FRMD4A: variants seen among roughly 807,000 people sequenced by gnomAD.
FRMD4A encodes FERM domain-containing protein 4A.
Under a neutral mutation model 129.1 loss-of-function variants are expected in FRMD4A, and 29 were observed. The ratio of observed to expected loss-of-function variants is 0.22; its 90% CI spans 0.17 to 0.31. FRMD4A has a LOEUF of 0.31. FRMD4A is among the 10% of genes least tolerant of loss of function. The probability of loss-of-function intolerance (pLI) is 1.00; values close to 1 mark genes in which losing one functional copy is unlikely to be tolerated. For synonymous variants in FRMD4A, 634 were observed against 571.6 expected, an observed-to-expected ratio of 1.11 and a Z score of -1.56; for missense variants, 1,272 against 1,375.8, an observed-to-expected ratio of 0.92 and a Z score of 1.19.
At chr10:13,918,956 G>A (rs2095040162) in intron 2 of FRMD4A, among the ~76,000 whole-genome samples, 1 of 151,742 alleles carries the variant, frequency 6.6e-6, no homozygotes, top group Non-Finnish European at 1.5e-5. Flanking sequence ...TCTATCTGAT[G>A]TCTTCACAGC....
rs1204613419 is a variant in FRMD4A, at chr10:13,657,474, A to G, written c.2115T>C (p.Phe705=). Residue 705 remains phenylalanine, a synonymous_variant, in exon 22 of 25, where the codon TTT becomes TTC. Coordinates refer to ENST00000357447, the MANE Select transcript of FRMD4A (RefSeq NM_018027.5). ...ACTCCAGGCTGGAGCTCCGGTGCCT[A>G]AAGTGCAGTGCGAGGCTGTGCAGTC... ...PTRLHSLALH[F]RHRSSSLESQ... is the part of the protein sequence containing the mutation. The G allele has an allele frequency of 3.7e-6, 6 of 1,610,524 alleles. No homozygotes were observed. Among genetic ancestry groups the G allele is most frequent in the African/African-American group, 1.3e-5 (1 of 74,900 alleles).
chr10:14,270,071 C>T (rs1478514419), intron 2 of FRMD4A, among the ~76,000 whole-genome samples: 1 of 152,232 alleles, frequency 6.6e-6, no homozygotes, highest in East Asian at 1.9e-4. Context: ...GGCTTTGGGA[C>T]TTCAGGAAGA....
intron 2 of FRMD4A, among the ~76,000 whole-genome samples, chr10:13,871,839 G>A (rs1045753934): frequency 1.3e-5 from 2 of 152,228 alleles, no homozygotes; most frequent in Admixed American, 6.5e-5. Context: ...CCAGAGGTCT[G>A]AGCCACACAC....
chr10:13,902,864 C>G (rs1246111112), intron 2 of FRMD4A, among the ~76,000 whole-genome samples: 1 of 148,284 alleles, frequency 6.7e-6, no homozygotes, highest in African/African-American at 2.5e-5. Context: ...AAAACAACAA[C>G]AAACAACAGA....
chr10:14,110,125 T>TAAAAAAAAAA (rs1554761010), intron 2 of FRMD4A, among the ~76,000 whole-genome samples: 2 of 89,550 alleles, frequency 2.2e-5, no homozygotes, highest in East Asian at 3.5e-4. Flanking sequence ...CGAGATGCTG[T>TAAAAAAAAAA]AAAAAAAAAA....
At position 13,666,204 on chromosome 10, in the gene FRMD4A, G is replaced by A. The variant is rs781661600; in HGVS notation, c.1496C>T (p.Ser499Leu). 4 of 1,613,244 alleles carry A rather than the reference G, an allele frequency of 2.5e-6. No homozygotes were observed. The highest frequency in any genetic ancestry group is 3.4e-6 in the Non-Finnish European group (4 of 1,179,202). Reference sequence around the variant, plus strand: ...CAGTTTCTTCAGTGCATTCAGATACGAGGTTTTCCTTTGTTTCTTCAGTTT... The same window carrying A: ...CAGTTTCTTCAGTGCATTCAGATACAAGGTTTTCCTTTGTTTCTTCAGTTT... ...SKKLKKQRKT[S>L]YLNALKKLQE... Residue 499 changes from serine (S) to leucine (L), a missense_variant, in exon 18 of 25, where the codon TCG becomes TTG. Transcript: ENST00000357447.
intron 14 of FRMD4A, 107 bp downstream of exon 14, chr10:13,701,233 T>C: frequency 1.0e-6 from 1 of 992,946 alleles, no homozygotes; most frequent in Non-Finnish European, 1.6e-6. Context: ...GTGCAAGGTA[T>C]GGACCCGGGC....
rs570270030 is a variant in FRMD4A at position 14,066,637 on chromosome 10, G to A, written c.46-207725C>T. 2.7e-4 allele frequency among the ~76,000 whole-genome samples: 41 copies of A among 152,216 alleles called. No homozygotes were observed. The East Asian group carries it at 7.1e-3, about 27-fold the overall frequency. On this transcript the variant is annotated intron_variant, in intron 2 of 24. Transcript: ENST00000357447. Reference sequence around the variant, plus strand: ...GACCTGGAGCCTACGCCTGTGTGCCGCACTCTGAATTCATGGCGAAAAGCC... The same window carrying A: ...GACCTGGAGCCTACGCCTGTGTGCCACACTCTGAATTCATGGCGAAAAGCC...
At chr10:14,135,193 G>C (rs1167186435) in intron 2 of FRMD4A, among the ~76,000 whole-genome samples, 1 of 152,172 alleles carries the variant, frequency 6.6e-6, no homozygotes, top group Admixed American at 6.5e-5. Flanking sequence ...GCCTGAGAAA[G>C]AACTCCATAC....
chr10:13,662,524 C>T (rs2082712112), intron 19 of FRMD4A, among the ~76,000 whole-genome samples: 1 of 152,122 alleles, frequency 6.6e-6, no homozygotes, highest in African/African-American at 2.4e-5. Context: ...GGTTAAACAT[C>T]CACAGGAGTA....
chr10:14,123,054 C>T (rs1175475138), intron 2 of FRMD4A, among the ~76,000 whole-genome samples: 2 of 152,132 alleles, frequency 1.3e-5, no homozygotes, highest in Middle Eastern at 3.4e-3. Flanking sequence ...CTTCATTATA[C>T]TATTCTATTT....
intron 5 of FRMD4A, among the ~76,000 whole-genome samples, chr10:13,790,422 GGGTGAAATCACACCA>G (rs2092972264): frequency 6.6e-6 from 1 of 152,166 alleles, no homozygotes; most frequent in Non-Finnish European, 1.5e-5. Flanking sequence ...CTGTGGATGG[GGGTGAAATCACACCA>G]GGGGAAGGTG....
intron 15 of FRMD4A, among the ~76,000 whole-genome samples, chr10:13,679,512 G>C (rs911223396): frequency 4.4e-5 from 4 of 91,872 alleles, no homozygotes; most frequent in Non-Finnish European, 6.2e-5. Context: ...CACACACACA[G>C]TGTTCACAAA....
Position 14,027,834 on chromosome 10 carries a change from A to G in FRMD4A, c.46-168922T>C, listed in dbSNP as rs144538832. On this transcript the variant is annotated intron_variant, in intron 2 of 24. Coordinates refer to ENST00000357447, the MANE Select transcript of FRMD4A (RefSeq NM_018027.5). ...AATAGTTTCCAAAGGAGAGAAATTG[A>G]CCAGAAGGGAGTTAGCCTGAAGAAT... is the stretch of plus-strand genomic sequence containing the variant. Among the ~76,000 whole-genome samples, 125 of 152,308 alleles carry G rather than the reference A, an allele frequency of 8.2e-4. 1 individual carries two copies. The highest frequency in any genetic ancestry group is 7.6e-3 in the Admixed American group (116 of 15,300).
At chr10:14,112,654 T>A (rs1159528738) in intron 2 of FRMD4A, among the ~76,000 whole-genome samples, 1 of 152,088 alleles carries the variant, frequency 6.6e-6, no homozygotes, top group Non-Finnish European at 1.5e-5. Flanking sequence ...GCCTCCAGAG[T>A]AGCTGGGATT....
chr10:14,129,407 T>TATATATAA (rs1554766626), intron 2 of FRMD4A, among the ~76,000 whole-genome samples: 3 of 112,392 alleles, frequency 2.7e-5, no homozygotes, highest in Non-Finnish European at 5.2e-5. Context: ...TATATATATA[T>TATATATAA]AAAAAATATG....
Position 13,656,837 on chromosome 10 carries a change from C to G in FRMD4A, c.2752G>C (p.Gly918Arg). Reference protein sequence around the residue: ...SLGREGAHDKGAGRAAVSDEL... With the variant: ...SLGREGAHDKRAGRAAVSDEL... ...TCTGAGACGGCGGCACGGCCCGCGC[C>G]CTTGTCGTGGGCGCCCTCGCGGCCC... is the stretch of plus-strand genomic sequence containing the variant. The change falls in exon 22 of 25, where the codon GGC becomes CGC. Residue 918 changes from glycine to arginine, a missense_variant. Physicochemically the swap from Gly to Arg is moderately radical, Grantham distance 125. This residue lies in a region of FRMD4A where 972 missense variants were observed against 892.3 expected (regional missense o/e 1.09). Coordinates refer to ENST00000357447, the MANE Select transcript of FRMD4A (RefSeq NM_018027.5). The G allele has an allele frequency of 6.5e-7, 1 of 1,529,594 alleles. No homozygotes were observed. The highest frequency in any genetic ancestry group is 8.8e-7 in the Non-Finnish European group (1 of 1,142,034). 94.8% of individuals were successfully genotyped at this position (1,529,594 alleles called of 1,614,324 possible). A position where few individuals can be genotyped will look rare whatever the true frequency, so the allele number is the denominator to read the frequency against.
chr10:13,952,853 G>C (rs891170226), intron 2 of FRMD4A, among the ~76,000 whole-genome samples: 4 of 151,732 alleles, frequency 2.6e-5, no homozygotes, highest in Non-Finnish European at 5.9e-5. Flanking sequence ...CCACCATGTC[G>C]GCTAATTTTT....
At chr10:14,324,217 A>G (rs1171995671) in intron 2 of FRMD4A, among the ~76,000 whole-genome samples, 2 of 152,248 alleles carry the variant, frequency 1.3e-5, no homozygotes, top group Non-Finnish European at 2.9e-5. Flanking sequence ...TGGATTTCAA[A>G]TTTCACCATT....
Sources: allele counts gnomAD v4.1 joint callset (sites outside exome capture counted in the v4.1 genomes callset), GRCh38; gene constraint gnomAD v4.1.1; regional missense constraint gnomAD v4.1.1; transcripts MANE v1.5; gene names NCBI Gene and HGNC (gene_info 2026-07-23, HGNC 2026-07-21).